WRNIP1: variants seen among roughly 807,000 people sequenced by gnomAD.
WRNIP1 encodes WRN helicase interacting protein 1.
In WRNIP1, 41 loss-of-function variants were observed where a neutral mutation model predicts 56.1. The ratio of observed to expected loss-of-function variants is 0.73; its 90% CI spans 0.57 to 0.95. WRNIP1 has a LOEUF of 0.95. Ranked by LOEUF, WRNIP1 falls within the 40% of genes least tolerant of loss-of-function variation. The pLI, the probability that WRNIP1 is intolerant of heterozygous loss-of-function variation, is 0.00. For synonymous variants in WRNIP1, 547 were observed against 398.1 expected (o/e 1.37, Z -4.45); for missense variants, 1,170 against 939.4 (o/e 1.25, Z -3.21).
chr6:2,766,848 CATA>C lies in WRNIP1; in HGVS notation c.822+409_822+411del, dbSNP rs1185233642. On this transcript the variant is annotated intron_variant, in intron 1 of 6. Transcript: ENST00000380773. ...GAAACATTTGTATATTCCGTTTGTA[CATA>C]ATAACGGATTCAGCTTTGAAAAAAA... Among the ~76,000 whole-genome samples the C allele has an allele frequency of 3.3e-5, 5 of 149,262 alleles. No homozygotes were observed. In the East Asian group the frequency reaches 8.0e-4, roughly 24 times the overall value.
chr6:2,784,504 T>C, intron 6 of WRNIP1, 101 bp downstream of exon 6: 2 of 1,200,948 alleles, frequency 1.7e-6, no homozygotes, highest in Non-Finnish European at 2.4e-6. Flanking sequence ...CATTGGTGTA[T>C]TGGACCCACT....
Position 2,775,867 on chromosome 6 carries a change from A to G in WRNIP1, c.1257-3396A>G, listed in dbSNP as rs183604151. ...AATAGTGTTTTATTATAACAACATA[A>G]TTTACTTCCTATTGTTTATTTCCAT... On this transcript the variant is annotated intron_variant, in intron 3 of 6. Transcript: ENST00000380773. Among the ~76,000 whole-genome samples, 18 of 152,282 alleles carry G rather than the reference A, an allele frequency of 1.2e-4. No homozygotes were observed. The East Asian group carries it at 3.1e-3, about 26-fold the overall frequency.
At chr6:2,783,981 C>G (rs1258367138) in intron 5 of WRNIP1, among the ~76,000 whole-genome samples, 3 of 152,152 alleles carry the variant, frequency 2.0e-5, no homozygotes, top group African/African-American at 7.2e-5. Flanking sequence ...AAGCTCTCCT[C>G]TTCTTTGGTC....
chr6:2,782,329 C>T (rs894439570), intron 4 of WRNIP1, among the ~76,000 whole-genome samples: 6 of 152,262 alleles, frequency 3.9e-5, no homozygotes, highest in African/African-American at 1.2e-4. Context: ...TGGGCTGACC[C>T]ATCCATCTGC....
In WRNIP1 at chr6:2,768,972, G is replaced by A. The variant is rs546429630; in HGVS notation, c.1014+90G>A. 8.3e-4 allele frequency: 1,046 copies of A among 1,262,322 alleles called. 3 individuals carry two copies. The highest frequency in any genetic ancestry group is 2.6e-3 in the Admixed American group (100 of 38,110). 78.2% of individuals were successfully genotyped at this position (1,262,322 alleles called of 1,614,324 possible). A position where few individuals can be genotyped will look rare whatever the true frequency, so the allele number is the denominator to read the frequency against. ...CACTATACAAACGCTAGAGACTTAC[G>A]AGCTTTGTTTACAAAGAAGCGTAGG... On this transcript the variant is annotated intron_variant, in intron 2 of 6. Coordinates refer to ENST00000380773, the MANE Select transcript of WRNIP1 (RefSeq NM_020135.3).
intron 5 of WRNIP1, 134 bp from the exon 6 acceptor site, chr6:2,784,190 C>A: frequency 1.5e-6 from 1 of 682,028 alleles, no homozygotes. Context: ...AGAGCTAAGT[C>A]AGGCTGTTTT....
At chr6:2,766,878 C>G (rs747972069) in intron 1 of WRNIP1, among the ~76,000 whole-genome samples, 1 of 151,114 alleles carries the variant, frequency 6.6e-6, no homozygotes, top group Non-Finnish European at 1.5e-5. Context: ...TGAAAAAAAT[C>G]AAATTAATTC....
chr6:2,768,714 C>T lies in WRNIP1; in HGVS notation c.846C>T (p.Ala282=). The T allele has an allele frequency of 6.2e-7, 1 of 1,611,518 alleles. No individual in the cohort carries two copies. Among genetic ancestry groups the T allele is most frequent in the Non-Finnish European group, 8.5e-7 (1 of 1,178,554 alleles). Residue 282 remains alanine, a synonymous_variant, in exon 2 of 7, where the codon GCC becomes GCT. Coordinates refer to ENST00000380773, the MANE Select transcript of WRNIP1 (RefSeq NM_020135.3). ...AGACCACTCTGGCTCACATCATAGC[C>T]AGCAACAGCAAGAAACATAGCATAA... is the stretch of plus-strand genomic sequence containing the variant. The part of the protein sequence containing the change: ...CGKTTLAHII[A]SNSKKHSIRF...
chr6:2,770,975 A>G (rs1156600471), intron 3 of WRNIP1, among the ~76,000 whole-genome samples: 2 of 152,176 alleles, frequency 1.3e-5, no homozygotes, highest in Admixed American at 6.5e-5. Flanking sequence ...TGAGTACCAC[A>G]TGAGCTCGTT....
chr6:2,766,249 C>G lies in WRNIP1; in HGVS notation c.627C>G (p.His209Gln). ...GGGCCAGTGGCGGGGGCCGCCCGCACCCCCGGGCGCTGGCTGCCGAGGAGA... is the reference window on the plus strand; with the variant it reads ...GGGCCAGTGGCGGGGGCCGCCCGCAGCCCCGGGCGCTGGCTGCCGAGGAGA... The part of the protein sequence containing the change: ...AFGASGGGRP[H>Q]PRALAAEEIR... Residue 209 changes from histidine to glutamine, a missense_variant, in exon 1 of 7, where the codon CAC (histidine) becomes CAG (glutamine). His to Gln is a conservative substitution (Grantham distance 24). Transcript: ENST00000380773. The G allele has an allele frequency of 6.6e-7, 1 of 1,509,422 alleles. No individual in the cohort carries two copies. The highest frequency in any genetic ancestry group is 8.9e-7 in the Non-Finnish European group (1 of 1,128,410). 93.5% of individuals were successfully genotyped at this position (1,509,422 alleles called of 1,614,324 possible).
In WRNIP1 at chr6:2,779,389, C is replaced by T. The variant is rs759116380; in HGVS notation, c.1383C>T (p.Phe461=). Residue 461 remains phenylalanine, a synonymous_variant, in exon 4 of 7, where the codon TTC becomes TTT. Coordinates refer to ENST00000380773, the MANE Select transcript of WRNIP1 (RefSeq NM_020135.3). The part of the protein sequence containing the change: ...VLARLSSRKM[F]CKKSGQSYSP... ...CTAGGTTAAGCTCTAGGAAGATGTT[C>T]TGTAAGAAGAGTGGGCAATCCTATT... 6.2e-7 allele frequency: 1 copy of T among 1,614,172 alleles called. No individual in the cohort carries two copies. The highest frequency in any genetic ancestry group is 1.7e-5 in the Admixed American group (1 of 60,016).
intron 3 of WRNIP1, chr6:2,772,928 C>G: frequency 1.0e-6 from 1 of 974,614 alleles, no homozygotes; most frequent in Non-Finnish European, 1.2e-6. Flanking sequence ...TACTTACTTT[C>G]TCTCTCCAGG....
chr6:2,773,967 G>A, intron 3 of WRNIP1: 1 of 985,280 alleles, frequency 1.0e-6, no homozygotes, highest in Non-Finnish European at 1.2e-6. Context: ...CATCTGGAGA[G>A]GAGAGCCCCT....
chr6:2,779,629 C>T, intron 4 of WRNIP1, 137 bp downstream of exon 4: 1 of 921,192 alleles, frequency 1.1e-6, no homozygotes, highest in Non-Finnish European at 1.6e-6. Context: ...TCAGGTGGAT[C>T]TGCATGTTGG....
At chr6:2,779,122 A>T in intron 3 of WRNIP1, 141 bp from the exon 4 acceptor site, 1 of 830,626 alleles carries the variant, frequency 1.2e-6, no homozygotes, top group Non-Finnish European at 1.9e-6. Flanking sequence ...ATGCTTAAGC[A>T]CATTGACAAA....
Position 2,783,288 on chromosome 6 carries a change from T to G in WRNIP1, c.1487-118T>G. Reference sequence around the variant, plus strand: ...TTAAGGCAGCTGCCCAAACCTCTCCTCGGCTTTCTCAGGGCCTTTATTCGT... The same window carrying G: ...TTAAGGCAGCTGCCCAAACCTCTCCGCGGCTTTCTCAGGGCCTTTATTCGT... On this transcript the variant is annotated intron_variant, in intron 4 of 6. Coordinates refer to ENST00000380773, the MANE Select transcript of WRNIP1 (RefSeq NM_020135.3). The G allele has an allele frequency of 5.9e-6, 7 of 1,185,768 alleles. No individual in the cohort carries two copies. The South Asian group carries it at 1.2e-4, about 21-fold the overall frequency. 73.5% of individuals were successfully genotyped at this position (1,185,768 alleles called of 1,614,324 possible).
In WRNIP1 at chr6:2,770,223, G is replaced by T. The variant is rs766200481; in HGVS notation, c.1118G>T (p.Arg373Leu). 1 of 1,614,050 alleles carries T rather than the reference G, an allele frequency of 6.2e-7. No homozygotes were observed. Among genetic ancestry groups the T allele is most frequent in the South Asian group, 1.1e-5 (1 of 91,074 alleles). Reference sequence around the variant, plus strand: ...AACGCTGCTCTTCTGAGCCGCTGTCGAGTGATTGTTCTTGAGAAGCTTCCA... The same window carrying T: ...AACGCTGCTCTTCTGAGCCGCTGTCTAGTGATTGTTCTTGAGAAGCTTCCA... The part of the protein sequence containing the change: ...QVNAALLSRC[R>L]VIVLEKLPVE... Residue 373 changes from arginine (R) to leucine (L), a missense_variant, in exon 3 of 7, where the codon CGA becomes CTA. Coordinates refer to ENST00000380773, the MANE Select transcript of WRNIP1 (RefSeq NM_020135.3).
rs1231026583 is a variant in WRNIP1, at chr6:2,765,896, A to G, written c.274A>G (p.Ser92Gly). The change falls in exon 1 of 7, where the codon AGC (serine) becomes GGC (glycine). Residue 92 changes from serine to glycine, a missense_variant. Transcript: ENST00000380773. The part of the protein sequence containing the change: ...QPATPTAAES[S>G]EGEGEEGDDG... ...AGCCACCCCGACGGCAGCCGAGAGC[A>G]GCGAGGGCGAGGGTGAGGAGGGCGA... The G allele has an allele frequency of 6.9e-6, 10 of 1,455,408 alleles. No individual in the cohort carries two copies. The highest frequency in any genetic ancestry group is 9.0e-6 in the Non-Finnish European group (10 of 1,105,804). 90.2% of individuals were successfully genotyped at this position (1,455,408 alleles called of 1,614,324 possible). A position where few individuals can be genotyped will look rare whatever the true frequency, so the allele number is the denominator to read the frequency against.
At position 2,766,267 on chromosome 6, in the gene WRNIP1, C is replaced by G. The variant is rs767491386; in HGVS notation, c.645C>G (p.Ala215=). The change falls in exon 1 of 7, where the codon GCC becomes GCG. Residue 215 remains alanine, a synonymous_variant. Coordinates refer to ENST00000380773, the MANE Select transcript of WRNIP1 (RefSeq NM_020135.3). ...GGRPHPRALA[A]EEIRQMLQGK... ...GCCCGCACCCCCGGGCGCTGGCTGC[C>G]GAGGAGATCCGACAGATGCTACAGG... The G allele has an allele frequency of 2.6e-6, 4 of 1,562,886 alleles. No homozygotes were observed. Among genetic ancestry groups the G allele is most frequent in the Non-Finnish European group, 3.5e-6 (4 of 1,156,908 alleles).
Sources: allele counts gnomAD v4.1 joint callset (sites outside exome capture counted in the v4.1 genomes callset), GRCh38; gene constraint gnomAD v4.1.1; transcripts MANE v1.5; gene names NCBI Gene and HGNC (gene_info 2026-07-23, HGNC 2026-07-21).